C1R: variants seen among roughly 807,000 people sequenced by gnomAD.
C1R encodes complement C1r subcomponent.
In C1R, 15 loss-of-function variants were observed where a neutral mutation model predicts 27.6. The observed-to-expected ratio is 0.54, with a 90% CI of 0.36 to 0.84. C1R has a LOEUF of 0.84. C1R is among the 40% of genes least tolerant of loss of function. The pLI is 0.01. For synonymous variants in C1R, 253 were observed against 228.8 expected, an observed-to-expected ratio of 1.11 and a Z score of -0.95; for missense variants, 544 against 577.9, an observed-to-expected ratio of 0.94 and a Z score of 0.60.
chr12:7,088,524 G>T, intron 7 of C1R, 86 bp downstream of exon 7: 1 of 718,262 alleles, frequency 1.4e-6, no homozygotes, highest in Non-Finnish European at 2.6e-6. Context: ...TCCAGCTGGG[G>T]TGAGACTAAA....
intron 8 of C1R, 58 bp downstream of exon 8, chr12:7,086,321 G>A (rs1938155265): frequency 7.5e-6 from 3 of 398,340 alleles, no homozygotes; most frequent in Middle Eastern, 6.2e-4. Flanking sequence ...TCTTGGCCCA[G>A]GTCCTCAAGG....
At position 7,084,854 on chromosome 12, in the gene C1R, A is replaced by G. The variant is rs948133886; in HGVS notation, c.1273+1007T>C. On this transcript the variant is annotated intron_variant, in intron 9 of 10. Coordinates refer to ENST00000647956, the MANE Select transcript of C1R (RefSeq NM_001733.7). ...AATGGTGTTGGTAATAGTGGTGGTG[A>G]TGGTGTTGGTAATGGTGGTAGTGAT... Among the ~76,000 whole-genome samples the G allele has an allele frequency of 1.3e-4, 19 of 142,204 alleles. No individual in the cohort carries two copies. The South Asian group carries it at 3.4e-3, about 25-fold the overall frequency. The allele number at this position is 142,204 out of a possible 152,430, so 93.3% of individuals were successfully genotyped here.
rs1457301169 is a variant in C1R, at chr12:7,080,505, T to C, written c.*27A>G. The stretch of plus-strand genomic sequence containing the variant: ...GTTTTTTTTTTTCCACACTGCTCTC[T>C]GGATTCGAACCTAGTGAATTCTGGG... On this transcript the variant is annotated 3_prime_UTR_variant, in exon 11 of 11. Coordinates refer to ENST00000647956, the MANE Select transcript of C1R (RefSeq NM_001733.7). The surrounding 1 kb of genome is among the most constrained non-coding windows in gnomAD (Gnocchi z 4.9). 6.6e-6 allele frequency: 10 copies of C among 1,521,792 alleles called. No homozygotes were observed. Among genetic ancestry groups the C allele is most frequent in the Non-Finnish European group, 8.8e-6 (10 of 1,136,080 alleles). The allele number at this position is 1,521,792 out of a possible 1,614,324, so 94.3% of individuals were successfully genotyped here.
intron 2 of C1R, among the ~76,000 whole-genome samples, chr12:7,090,527 C>T (rs775977347): frequency 6.6e-6 from 1 of 152,306 alleles, no homozygotes; most frequent in South Asian, 2.1e-4. Context: ...GGTCCTTCTC[C>T]ATCCCCACCA....
chr12:7,092,292 G>A (rs1938295599), intron 1 of C1R, 95 bp downstream of exon 1: 8 of 775,472 alleles, frequency 1.0e-5, no homozygotes, highest in South Asian at 9.5e-5. Flanking sequence ...TGTGTGAAGA[G>A]AGAAGGGTGT....
chr12:7,080,299 A>G lies in C1R; in HGVS notation c.*233T>C, dbSNP rs1938029906. The G allele has an allele frequency of 7.4e-6, 9 of 1,221,340 alleles. No individual in the cohort carries two copies. The highest frequency in any genetic ancestry group is 3.1e-5 in the African/African-American group (2 of 64,570). The allele number at this position is 1,221,340 out of a possible 1,614,324, so 75.7% of individuals were successfully genotyped here. ...ATCAAAGTGGAAGAGGAAAGTGACA[A>G]CTAGAGATTGATAACTATATCCTCT... On this transcript the variant is annotated 3_prime_UTR_variant, in exon 11 of 11. Coordinates refer to ENST00000647956, the MANE Select transcript of C1R (RefSeq NM_001733.7). The surrounding 1 kb of genome is among the most constrained non-coding windows in gnomAD (Gnocchi z 4.9).
At position 7,088,685 on chromosome 12, in the gene C1R, G is replaced by C. The variant is rs1340154103; in HGVS notation, c.963C>G (p.Ile321Met). ...QPKTLDEFTI[I>M]QNLQPQYQFR... ...ACTGGTACTGAGGCTGCAGGTTCTG[G>C]ATGATGGTGAACTCGTCTAGGGTCT... The change falls in exon 7 of 11, where the codon ATC becomes ATG. Residue 321 changes from isoleucine to methionine, a missense_variant. By Grantham distance (10) the Ile-to-Met change is conservative (BLOSUM62 1). Around this residue, in one of 2 missense-constraint regions of C1R, gnomAD observed 291 missense variants for 209.0 expected, o/e 1.39. Transcript: ENST00000647956. 1.3e-6 allele frequency: 1 copy of C among 772,534 alleles called. No individual in the cohort carries two copies. Among genetic ancestry groups the C allele is most frequent in the Admixed American group, 1.7e-5 (1 of 57,602 alleles). The allele number at this position is 772,534 out of a possible 1,614,324, so 47.9% of individuals were successfully genotyped here.
At chr12:7,086,150 A>G in intron 8 of C1R, 134 bp from the exon 9 acceptor site, 3 of 397,780 alleles carry the variant, frequency 7.5e-6, no homozygotes, top group East Asian at 3.6e-5. Flanking sequence ...GGGCCCTTGC[A>G]ATGGACAGGA....
chr12:7,084,945 G>A (rs941231926), intron 9 of C1R, among the ~76,000 whole-genome samples: 2 of 148,128 alleles, frequency 1.4e-5, no homozygotes, highest in Admixed American at 6.7e-5. Flanking sequence ...TAGTGTGGTG[G>A]TGATGATGAT....
rs886979928 is a variant in C1R at position 7,091,970 on chromosome 12, C to G, written c.3-290G>C. On this transcript the variant is annotated intron_variant, in intron 1 of 10. Transcript: ENST00000647956. The surrounding 1 kb of genome is among the most constrained non-coding windows in gnomAD (Gnocchi z 5.1). ...TGCCCGGACGCGTCCCTCCCCTCCC[C>G]TTCCAGGAATAGGACTGGCTTGGGA... 4.9e-6 allele frequency: 3 copies of G among 608,664 alleles called. No individual in the cohort carries two copies. The highest frequency in any genetic ancestry group is 9.1e-6 in the Non-Finnish European group (3 of 330,192). The allele number at this position is 608,664 out of a possible 1,614,324, so 37.7% of individuals were successfully genotyped here. A position where few individuals can be genotyped will look rare whatever the true frequency, so the allele number is the denominator to read the frequency against.
intron 2 of C1R, 179 bp from the exon 3 acceptor site, chr12:7,090,427 CCTGAGTCTCCCA>C (rs1309411239): frequency 1.7e-6 from 1 of 598,840 alleles, no homozygotes; most frequent in African/African-American, 1.9e-5. Context: ...TCAGCTGTTC[CCTGAGTCTCCCA>C]CTGACTCACT....
intron 10 of C1R, 29 bp from the exon 11 acceptor site, chr12:7,081,330 A>C: frequency 6.3e-7 from 1 of 1,591,606 alleles, no homozygotes; most frequent in Non-Finnish European, 8.6e-7. Flanking sequence ...AGACAAGGGC[A>C]AGTCAGTTCC....
intron 7 of C1R, chr12:7,087,977 T>C (rs1479479364): frequency 6.3e-6 from 1 of 157,742 alleles, no homozygotes; most frequent in African/African-American, 2.4e-5. Context: ...GATTGATCAA[T>C]GGATAAAACC....
At position 7,080,939 on chromosome 12, in the gene C1R, G is replaced by A. The variant is rs371406393; in HGVS notation, c.1711C>T (p.Pro571Ser). The A allele has an allele frequency of 5.6e-6, 9 of 1,613,242 alleles. No homozygotes were observed. The highest frequency in any genetic ancestry group is 1.3e-5 in the African/African-American group (1 of 75,006). Residue 571 changes from proline to serine, a missense_variant, in exon 11 of 11, where the codon CCC (proline) becomes TCC (serine). This residue lies in a region of C1R where 253 missense variants were observed against 368.9 expected (regional missense o/e 0.69). Coordinates refer to ENST00000647956, the MANE Select transcript of C1R (RefSeq NM_001733.7). This position sits in a 1 kb window ranked among gnomAD's most constrained non-coding sequence, Gnocchi z 4.9. ...LELENSVTLG[P>S]NLLPICLPDN... Reference sequence around the variant, plus strand: ...GGGAGGCAGATGGGGAGGAGGTTGGGACCCAGGGTGACACTATTTTCCAGC... The same window carrying A: ...GGGAGGCAGATGGGGAGGAGGTTGGAACCCAGGGTGACACTATTTTCCAGC...
intron 9 of C1R, among the ~76,000 whole-genome samples, chr12:7,084,706 T>C (rs1352491050): frequency 2.3e-5 from 1 of 43,366 alleles, no homozygotes; most frequent in Admixed American, 1.7e-4. Context: ...ATGGAGGTTT[T>C]AGTGTGGTGG....
At chr12:7,082,746 A>G (rs1184155594) in intron 9 of C1R, among the ~76,000 whole-genome samples, 1 of 152,232 alleles carries the variant, frequency 6.6e-6, no homozygotes, top group Non-Finnish European at 1.5e-5. Flanking sequence ...TCGTGGAATC[A>G]TAGACGATAA....
intron 2 of C1R, among the ~76,000 whole-genome samples, chr12:7,090,779 C>T (rs748497530): frequency 6.6e-6 from 1 of 152,208 alleles, no homozygotes; most frequent in Non-Finnish European, 1.5e-5. Context: ...TCACAGCCTC[C>T]TCAACCTCTC....
intron 7 of C1R, 77 bp downstream of exon 7, chr12:7,088,533 A>C (rs1397746094): frequency 1.4e-6 from 1 of 718,406 alleles, no homozygotes; most frequent in Middle Eastern, 2.3e-4. Context: ...GGTGAGACTA[A>C]ATCCTCTGTG....
At position 7,092,445 on chromosome 12, in the gene C1R, T is replaced by C. The variant is rs1938300229; in HGVS notation, c.-57A>G. The C allele has an allele frequency of 1.3e-6, 1 of 780,388 alleles. No homozygotes were observed. The highest frequency in any genetic ancestry group is 2.4e-6 in the Non-Finnish European group (1 of 417,830). The allele number at this position is 780,388 out of a possible 1,614,324, so 48.3% of individuals were successfully genotyped here. A position where few individuals can be genotyped will look rare whatever the true frequency, so the allele number is the denominator to read the frequency against. On this transcript the variant is annotated 5_prime_UTR_variant, in exon 1 of 11. Coordinates refer to ENST00000647956, the MANE Select transcript of C1R (RefSeq NM_001733.7). ...CCCGACAGCGTCTTCGTGCACTGTG[T>C]GCAGAGGGAGCCCGCGTCATGCACA...
Sources: allele counts gnomAD v4.1 joint callset (sites outside exome capture counted in the v4.1 genomes callset), GRCh38; gene constraint gnomAD v4.1.1; regional missense constraint gnomAD v4.1.1; non-coding constraint Gnocchi (gnomAD v3.1); transcripts MANE v1.5; gene names NCBI Gene and HGNC (gene_info 2026-07-23, HGNC 2026-07-21).